The following CHEK1 variants were observed in gnomAD, a reference collection of about 807,000 sequenced individuals.
CHEK1 encodes serine/threonine-protein kinase Chk1.
CHEK1 carries 32 observed loss-of-function variants against 60.2 expected under a neutral mutation model. That is an observed-to-expected ratio of 0.53 (90% CI 0.40 to 0.71). The LOEUF (loss-of-function observed/expected upper bound fraction) is 0.71, where lower values mean the gene tolerates loss of function less well. Among genes scored for constraint, CHEK1 ranks in the 30% least tolerant of loss-of-function variants. The pLI is 0.00. For synonymous variants in CHEK1, 179 were observed against 187.2 expected (o/e 0.96, Z 0.36); for missense variants, 399 against 564.6 (o/e 0.71, Z 2.97).
At chr11:125,671,482 C>T (rs1942201734) in intron 13 of CHEK1, 1 of 152,072 alleles carries the variant, frequency 6.6e-6, no homozygotes, top group Non-Finnish European at 1.5e-5. Flanking sequence ...CCATTATTGC[C>T]AGTGAAGAGC....
chr11:125,626,101 G>T (rs1414086421), intron 1 of CHEK1, 89 bp downstream of exon 1: 1 of 650,692 alleles, frequency 1.5e-6, no homozygotes, highest in African/African-American at 1.8e-5. Flanking sequence ...GTGGGAGAAA[G>T]TTAGCATTGA....
chr11:125,672,374 A>T (rs1332140857), intron 13 of CHEK1: 1 of 524,632 alleles, frequency 1.9e-6, no homozygotes, highest in African/African-American at 1.9e-5. Context: ...AAAATCAGGA[A>T]TATTGAGAGA....
Position 125,625,832 on chromosome 11 carries a change from C to T in CHEK1, c.-201C>T. 1 of 702,606 alleles carries T rather than the reference C, an allele frequency of 1.4e-6. No individual in the cohort carries two copies. The highest frequency in any genetic ancestry group is 2.6e-6 in the Non-Finnish European group (1 of 384,980). 43.5% of individuals were successfully genotyped at this position (702,606 alleles called of 1,614,324 possible). On this transcript the variant is annotated 5_prime_UTR_variant, in exon 1 of 13. Transcript: ENST00000438015. ...ACTGCAAAGCAGCCCTGGGCGGGAG[C>T]GGCAACATCTCCACGTCACCCTTTT...
downstream of CHEK1, chr11:125,680,690 C>G (rs1173954086): frequency 1.9e-6 from 3 of 1,579,886 alleles, no homozygotes; most frequent in South Asian, 3.4e-5. Flanking sequence ...TAAGGGAGAC[C>G]CCTTTTGTAT....
chr11:125,637,781 C>T (rs3731424), intron 8 of CHEK1, among the ~76,000 whole-genome samples: 4,679 of 152,190 alleles, frequency 0.031, 120 homozygotes, highest in East Asian at 0.064. Flanking sequence ...GACTTTTCTT[C>T]CTGAAGAAAT....
intron 8 of CHEK1, among the ~76,000 whole-genome samples, chr11:125,640,773 T>A (rs573315286): frequency 6.6e-6 from 1 of 152,048 alleles, no homozygotes; most frequent in South Asian, 2.1e-4. Flanking sequence ...TTTCGCCATG[T>A]TGCCTATGCT....
intron 8 of CHEK1, among the ~76,000 whole-genome samples, chr11:125,640,860 C>T (rs572808849): frequency 4.8e-4 from 73 of 152,272 alleles, no homozygotes; most frequent in African/African-American, 1.7e-3. Context: ...AACTGCTGGG[C>T]TTAAGCAATC....
intron 5 of CHEK1, among the ~76,000 whole-genome samples, chr11:125,631,805 T>TA (rs1010327985): frequency 1.5e-5 from 2 of 129,716 alleles, no homozygotes; most frequent in African/African-American, 6.0e-5. Context: ...AAGGCTGCAG[T>TA]AAGCTGTGAT....
downstream of CHEK1, chr11:125,676,344 G>A: frequency 6.2e-7 from 1 of 1,613,678 alleles, no homozygotes; most frequent in Non-Finnish European, 8.5e-7. Context: ...ATTGCCTCAT[G>A]AAGTCCCCAT....
downstream of CHEK1, chr11:125,676,341 C>T (rs1405935526): frequency 6.2e-7 from 1 of 1,613,694 alleles, no homozygotes; most frequent in Admixed American, 1.7e-5. Flanking sequence ...GAAATTGCCT[C>T]ATGAAGTCCC....
At position 125,653,109 on chromosome 11, in the gene CHEK1, C is replaced by T. The variant is rs111404886; in HGVS notation, c.1234-637C>T. 1.4e-4 allele frequency among the ~76,000 whole-genome samples: 22 copies of T among 152,280 alleles called. 1 individual carries two copies. The highest frequency in any genetic ancestry group is 5.3e-4 in the African/African-American group (22 of 41,538). The stretch of plus-strand genomic sequence containing the variant: ...TTATTTCACTTTACATAATGTCCTC[C>T]AGTTCCACCCATGTTGCTGCAAATG... On this transcript the variant is annotated intron_variant, in intron 11 of 12. Transcript: ENST00000438015. This position sits in a 1 kb window ranked among gnomAD's most constrained non-coding sequence, Gnocchi z 4.3.
downstream of CHEK1, among the ~76,000 whole-genome samples, chr11:125,679,545 A>T (rs1296733427): frequency 6.6e-6 from 1 of 152,226 alleles, no homozygotes; most frequent in Middle Eastern, 3.2e-3. Context: ...ACTGTCAGAC[A>T]AATATTCCTT....
At chr11:125,679,462 C>G (rs1481664258), downstream of CHEK1, among the ~76,000 whole-genome samples, 1 of 152,154 alleles carries the variant, frequency 6.6e-6, no homozygotes, top group Non-Finnish European at 1.5e-5. Flanking sequence ...AAGTGATCCG[C>G]CCGCCTCAGC....
downstream of CHEK1, among the ~76,000 whole-genome samples, chr11:125,678,858 G>T (rs1003677100): frequency 1.3e-5 from 2 of 150,958 alleles, no homozygotes; most frequent in African/African-American, 2.4e-5. Flanking sequence ...GGATTAAGCC[G>T]CCTGTATTTG....
chr11:125,642,950 C>T (rs1941359987), intron 8 of CHEK1: 1 of 152,052 alleles, frequency 6.6e-6, no homozygotes, highest in African/African-American at 2.4e-5. Context: ...TATTATCTGG[C>T]AATATTGAGG....
chr11:125,636,040 TG>T (rs1414979868), intron 7 of CHEK1: 1 of 152,200 alleles, frequency 6.6e-6, no homozygotes, highest in Non-Finnish European at 1.5e-5. Flanking sequence ...TGTAACATAA[TG>T]GTATTTGTGT....
intron 5 of CHEK1, among the ~76,000 whole-genome samples, chr11:125,629,990 T>C (rs1940802004): frequency 6.6e-6 from 1 of 151,518 alleles, no homozygotes; most frequent in South Asian, 2.1e-4. Context: ...TCCCAGAGTG[T>C]TGGGATTATA....
downstream of CHEK1, among the ~76,000 whole-genome samples, chr11:125,677,413 A>T (rs1441617839): frequency 1.3e-5 from 2 of 152,354 alleles, no homozygotes; most frequent in East Asian, 3.9e-4. Flanking sequence ...AAGTTATAGC[A>T]TTCTAACATG....
downstream of CHEK1, among the ~76,000 whole-genome samples, chr11:125,661,456 C>T (rs570166824): frequency 1.5e-4 from 23 of 152,200 alleles, no homozygotes; most frequent in African/African-American, 3.6e-4. Context: ...GGATTATAGG[C>T]GTGTGCCATC....
Sources: gnomAD v4.1 joint callset for allele counts (sites outside exome capture counted in the v4.1 genomes callset) on GRCh38, gnomAD v4.1.1 for gene constraint, Gnocchi (gnomAD v3.1) non-coding constraint, MANE v1.5 for transcripts, NCBI Gene and HGNC (gene_info 2026-07-23, HGNC 2026-07-21) for gene names.